DHX32: variants seen among roughly 807,000 people sequenced by gnomAD.
The protein encoded by DHX32 is putative pre-mRNA-splicing factor ATP-dependent RNA helicase DHX32.
In DHX32, 51 loss-of-function variants were observed where a neutral mutation model predicts 70.0. The observed-to-expected ratio is 0.73, with a 90% CI of 0.58 to 0.92. The LOEUF (loss-of-function observed/expected upper bound fraction) is 0.92, where lower values mean the gene tolerates loss of function less well. Ranked by LOEUF, DHX32 falls within the 40% of genes least tolerant of loss-of-function variation. DHX32 has a pLI of 0.00. For synonymous variants in DHX32, 310 were observed against 315.3 expected (o/e 0.98, Z 0.18); for missense variants, 762 against 891.8 (o/e 0.85, Z 1.85).
intron 10 of DHX32, 57 bp from the exon 11 acceptor site, chr10:125,836,912 C>G (rs2134018673): frequency 6.7e-7 from 1 of 1,500,220 alleles, no homozygotes; most frequent in East Asian, 2.3e-5. Context: ...TGAGAGACAC[C>G]AAACATTATG....
intron 10 of DHX32, among the ~76,000 whole-genome samples, chr10:125,837,475 T>G (rs1287128459): frequency 6.6e-6 from 1 of 152,244 alleles, no homozygotes; most frequent in Non-Finnish European, 1.5e-5. Flanking sequence ...TCTCCCAGGC[T>G]GGTGTGCGGT....
At chr10:125,867,573 T>A (rs1368158658) in intron 1 of DHX32, among the ~76,000 whole-genome samples, 6 of 151,864 alleles carry the variant, frequency 4.0e-5, no homozygotes, top group East Asian at 1.9e-4. Context: ...CGTCTCTACT[T>A]AAAATACAAA....
At chr10:125,894,269 CA>C (rs1944390531) in intron 1 of DHX32, among the ~76,000 whole-genome samples, 1 of 152,138 alleles carries the variant, frequency 6.6e-6, no homozygotes, top group Non-Finnish European at 1.5e-5. Flanking sequence ...GTGTTTTCTC[CA>C]ATAGTAAAGT....
At chr10:125,886,469 G>C (rs1891357) in intron 1 of DHX32, among the ~76,000 whole-genome samples, 2 of 151,746 alleles carry the variant, frequency 1.3e-5, no homozygotes, top group Non-Finnish European at 2.9e-5. Context: ...GCATAGTTAC[G>C]TCCTTCATTA....
Position 125,867,146 on chromosome 10 carries a change from T to C in DHX32, c.320A>G (p.His107Arg). The C allele has an allele frequency of 6.2e-7, 1 of 1,614,074 alleles. No individual in the cohort carries two copies. The highest frequency in any genetic ancestry group is 8.5e-7 in the Non-Finnish European group (1 of 1,180,000). ...QWCAEYCLSI[H>R]YQHGGVICTQ... is the part of the protein sequence containing the mutation. The stretch of plus-strand genomic sequence containing the variant: ...GCATATCACGCCCCCGTGCTGGTAG[T>C]GGATGGAAAGACAATATTCAGCACA... The change falls in exon 2 of 11, where the codon CAC (histidine) becomes CGC (arginine). Residue 107 changes from histidine (H) to arginine (R), a missense_variant. His to Arg is a conservative substitution (Grantham distance 29). This residue lies in a region of DHX32 where 394 missense variants were observed against 473.1 expected (regional missense o/e 0.83). Transcript: ENST00000284690.
At chr10:125,853,430 AAAGT>A (rs1944117756) in intron 4 of DHX32, 1 of 326,882 alleles carries the variant, frequency 3.1e-6, no homozygotes, top group East Asian at 5.1e-5. Context: ...TTTTAATTTA[AAAGT>A]AATAAAGAAT....
intron 1 of DHX32, among the ~76,000 whole-genome samples, chr10:125,874,946 G>A (rs546502147): frequency 1.6e-4 from 25 of 152,172 alleles, no homozygotes; most frequent in African/African-American, 2.9e-4. Flanking sequence ...ATGATAGGCC[G>A]GGTGAAGTGG....
intron 1 of DHX32, among the ~76,000 whole-genome samples, chr10:125,876,567 A>T (rs998825639): frequency 1.3e-5 from 2 of 152,200 alleles, no homozygotes; most frequent in African/African-American, 2.4e-5. Flanking sequence ...GCCTCCTGAT[A>T]TGAGGCACTG....
chr10:125,888,374 T>A (rs1485224851), intron 1 of DHX32, among the ~76,000 whole-genome samples: 1 of 152,146 alleles, frequency 6.6e-6, no homozygotes, highest in Admixed American at 6.5e-5. Context: ...GGCTAATTTT[T>A]ATTTTTTTAT....
At chr10:125,867,513 G>A (rs1011858321) in intron 1 of DHX32, among the ~76,000 whole-genome samples, 1 of 152,108 alleles carries the variant, frequency 6.6e-6, no homozygotes, top group Non-Finnish European at 1.5e-5. Context: ...GAGGTGGGCG[G>A]ATCACGAAGT....
rs1192140082 is a variant in DHX32, at chr10:125,893,937, TA to T, written c.-248+2280del. Reference sequence around the variant, plus strand: ...GTTATTTCTACTTTGAATTCTGAGGTAGTCAAGAGATTTAAATAAGAAAAAG... The same window carrying T: ...GTTATTTCTACTTTGAATTCTGAGGTGTCAAGAGATTTAAATAAGAAAAAG... On this transcript the variant is annotated intron_variant, in intron 1 of 2. Transcript: ENST00000415732. 2.3e-3 allele frequency among the ~76,000 whole-genome samples: 343 copies of T among 152,168 alleles called. 1 individual carries two copies. The highest frequency in any genetic ancestry group is 4.1e-3 in the Non-Finnish European group (281 of 68,000).
intron 3 of DHX32, among the ~76,000 whole-genome samples, chr10:125,858,444 A>G (rs1216898488): frequency 1.3e-5 from 2 of 152,232 alleles, no homozygotes; most frequent in Non-Finnish European, 2.9e-5. Context: ...AATGTATATC[A>G]TATACATACA....
At chr10:125,849,834 A>G (rs937440138) in intron 6 of DHX32, among the ~76,000 whole-genome samples, 9 of 152,232 alleles carry the variant, frequency 5.9e-5, no homozygotes, top group Non-Finnish European at 2.9e-5. Flanking sequence ...AAACAAGCGC[A>G]TATACTTCTC....
At chr10:125,857,876 C>T (rs913714368) in intron 3 of DHX32, among the ~76,000 whole-genome samples, 69 of 131,616 alleles carry the variant, frequency 5.2e-4, no homozygotes, top group Non-Finnish European at 9.4e-4. Context: ...AATGTATATC[C>T]TGGTTTTTTT....
At position 125,839,102 on chromosome 10, in the gene DHX32, T is replaced by TTTAG. The variant is rs1324621427; in HGVS notation, c.1779_1780insCTAA (p.Ile594LeufsTer41). The TTTAG allele has an allele frequency of 2.5e-6, 4 of 1,614,080 alleles. No homozygotes were observed. In the African/African-American group the frequency reaches 5.3e-5, roughly 22 times the overall value. ...TAGGGAAGCTCGATTCGCTTGATAATTTCTAAGAGTTCAGCTCGAATAACA... is the reference window on the plus strand; with the variant it reads ...TAGGGAAGCTCGATTCGCTTGATAATTTAGTTCTAAGAGTTCAGCTCGAATAACA... On this transcript the variant is annotated frameshift_variant, in exon 9 of 11. Transcript: ENST00000284690. LOFTEE classifies it high-confidence loss of function.
At chr10:125,865,780 C>T (rs765815255) in intron 2 of DHX32, among the ~76,000 whole-genome samples, 5 of 152,126 alleles carry the variant, frequency 3.3e-5, no homozygotes, top group African/African-American at 1.2e-4. Context: ...CCTCCTGCCT[C>T]GCCCTCCCAA....
chr10:125,845,953 G>T (rs1318536803), intron 6 of DHX32, among the ~76,000 whole-genome samples: 4 of 152,182 alleles, frequency 2.6e-5, no homozygotes, highest in African/African-American at 4.8e-5. Flanking sequence ...GGCACCTCCT[G>T]ATCCTCTCGA....
chr10:125,879,015 G>GTTTT (rs35025096), intron 1 of DHX32, among the ~76,000 whole-genome samples: 2 of 56,678 alleles, frequency 3.5e-5, no homozygotes, highest in African/African-American at 1.4e-4. Context: ...GCCTTTTCTT[G>GTTTT]TTTTTTTTTT....
Position 125,859,588 on chromosome 10 carries a change from G to A in DHX32, c.849+15C>T, listed in dbSNP as rs1944172230. The stretch of plus-strand genomic sequence containing the variant: ...AATACCTTATTACTGTAAGGTTAGA[G>A]TATCACTTACTTACTTGTTCACAGG... On this transcript the variant is annotated intron_variant, in intron 3 of 10. Transcript: ENST00000284690. 1.9e-6 allele frequency: 3 copies of A among 1,549,554 alleles called. No individual in the cohort carries two copies. Among genetic ancestry groups the A allele is most frequent in the African/African-American group, 2.8e-5 (2 of 72,618 alleles).
Sources: gnomAD v4.1 joint callset for allele counts (sites outside exome capture counted in the v4.1 genomes callset) on GRCh38, gnomAD v4.1.1 for gene constraint, gnomAD v4.1.1 regional missense constraint, MANE v1.5 for transcripts, NCBI Gene and HGNC (gene_info 2026-07-23, HGNC 2026-07-21) for gene names.